The following ATP13A5 variants were observed in gnomAD, a reference collection of about 807,000 sequenced individuals.
ATP13A5 encodes probable cation-transporting ATPase 13A5.
Under a neutral mutation model 150.2 loss-of-function variants are expected in ATP13A5, and 149 were observed. That is an observed-to-expected ratio of 0.99 (90% CI 0.87 to 1.14). The LOEUF (loss-of-function observed/expected upper bound fraction) is 1.14, where lower values mean the gene tolerates loss of function less well. ATP13A5 is among the 50% of genes most tolerant of loss of function. The pLI, the probability that ATP13A5 is intolerant of heterozygous loss-of-function variation, is 0.00. For missense variants in ATP13A5, 1,383 were observed against 1,449.3 expected (o/e 0.95, Z 0.74); for synonymous variants, 497 against 522.2 (o/e 0.95, Z 0.66).
At chr3:193,280,698 T>C (rs1278494574) in intron 27 of ATP13A5, among the ~76,000 whole-genome samples, 2 of 152,216 alleles carry the variant, frequency 1.3e-5, no homozygotes, top group Non-Finnish European at 2.9e-5. Flanking sequence ...AGCAGAGCAC[T>C]TTAGAGACGG....
intron 23 of ATP13A5, among the ~76,000 whole-genome samples, chr3:193,304,310 C>T (rs572320804): frequency 2.0e-5 from 3 of 152,036 alleles, no homozygotes; most frequent in East Asian, 1.9e-4. Flanking sequence ...GGGAAGTGAT[C>T]GTGTTTGAGG....
Position 193,331,328 on chromosome 3 carries a change from A to G in ATP13A5, c.1273-17T>C, listed in dbSNP as rs1362132890. 6.2e-7 allele frequency: 1 copy of G among 1,607,864 alleles called. No individual in the cohort carries two copies. Among genetic ancestry groups the G allele is most frequent in the Non-Finnish European group, 8.5e-7 (1 of 1,177,846 alleles). On this transcript the variant is annotated splice_polypyrimidine_tract_variant and intron_variant, in intron 11 of 29. Coordinates refer to ENST00000342358, the MANE Select transcript of ATP13A5 (RefSeq NM_198505.4). ...TGGAGGAACCTGGGAGAGGACAGAC[A>G]TTTTCATACAGGATAGCCCAGCACA...
chr3:193,355,181 C>T (rs10937584), intron 5 of ATP13A5, among the ~76,000 whole-genome samples: 59,860 of 151,776 alleles, frequency 0.39, 12,299 homozygotes, highest in East Asian at 0.56. Flanking sequence ...ATCCACCCGC[C>T]TCAGCCTCCC....
intron 27 of ATP13A5, among the ~76,000 whole-genome samples, chr3:193,283,217 A>T (rs1717576103): frequency 6.6e-6 from 1 of 152,170 alleles, no homozygotes. Context: ...AAACCGGTTG[A>T]CTAGTTGGAG....
Position 193,354,251 on chromosome 3 carries a change from C to T in ATP13A5, c.537-55G>A, listed in dbSNP as rs929608784. On this transcript the variant is annotated intron_variant, in intron 5 of 29. Transcript: ENST00000342358. ...ATAGCTACAAGCACATGATAAGTGA[C>T]TACAGGCCAAACTAAACAGAAGTCA... The T allele has an allele frequency of 4.0e-6, 6 of 1,486,414 alleles. No homozygotes were observed. In the African/African-American group the frequency reaches 5.6e-5, roughly 14 times the overall value. 92.1% of individuals were successfully genotyped at this position (1,486,414 alleles called of 1,614,324 possible). A position where few individuals can be genotyped will look rare whatever the true frequency, so the allele number is the denominator to read the frequency against.
chr3:193,310,962 A>G (rs1294761038), intron 20 of ATP13A5, among the ~76,000 whole-genome samples: 4 of 152,192 alleles, frequency 2.6e-5, no homozygotes, highest in Non-Finnish European at 4.4e-5. Flanking sequence ...TGGGGTGACC[A>G]CTAATCAATA....
chr3:193,328,567 A>G (rs1711510184), intron 12 of ATP13A5, among the ~76,000 whole-genome samples: 1 of 152,224 alleles, frequency 6.6e-6, no homozygotes, highest in Non-Finnish European at 1.5e-5. Flanking sequence ...AGATTATGTT[A>G]TCTCTCTATG....
chr3:193,307,138 T>C (rs1718646921), intron 22 of ATP13A5, 189 bp downstream of exon 22: 9 of 1,423,158 alleles, frequency 6.3e-6, no homozygotes, highest in East Asian at 2.5e-5. Flanking sequence ...CCAGAAAGCA[T>C]CGGAAGTGTC....
At chr3:193,284,699 CAT>C (rs1037915965) in intron 27 of ATP13A5, among the ~76,000 whole-genome samples, 1 of 152,210 alleles carries the variant, frequency 6.6e-6, no homozygotes, top group Non-Finnish European at 1.5e-5. Flanking sequence ...GGACAAGACT[CAT>C]GTGACAGTTA....
chr3:193,310,821 G>A (rs1429822652), intron 20 of ATP13A5, 104 bp from the exon 21 acceptor site: 2 of 734,228 alleles, frequency 2.7e-6, no homozygotes, highest in Admixed American at 2.8e-5. Flanking sequence ...ATTTAATACA[G>A]CATTGGATGG....
chr3:193,365,950 A>C (rs1054175182), intron 1 of ATP13A5, among the ~76,000 whole-genome samples: 8 of 152,130 alleles, frequency 5.3e-5, no homozygotes, highest in African/African-American at 1.9e-4. Flanking sequence ...AATTGTATCA[A>C]GAATTGTAAA....
At chr3:193,310,787 C>T in intron 20 of ATP13A5, 70 bp from the exon 21 acceptor site, 1 of 1,208,928 alleles carries the variant, frequency 8.3e-7, no homozygotes, top group Middle Eastern at 2.3e-4. Flanking sequence ...AAGAACAGCC[C>T]TGAAAAATCA....
At position 193,374,301 on chromosome 3, in the gene ATP13A5, C is replaced by CACAGAG. The variant is rs1441073312; in HGVS notation, c.63+4361_63+4362insCTCTGT. On this transcript the variant is annotated intron_variant, in intron 1 of 29. Transcript: ENST00000342358. The stretch of plus-strand genomic sequence containing the variant: ...GCACACACACACACACACACACACA[C>CACAGAG]AGAGAGAGAGAGAGGAAAGATTCCA... Among the ~76,000 whole-genome samples, 714 of 144,324 alleles carry CACAGAG rather than the reference C, an allele frequency of 4.9e-3. 8 individuals carry two copies. The highest frequency in any genetic ancestry group is 0.016 in the African/African-American group (606 of 38,958). The allele number at this position is 144,324 out of a possible 152,430, so 94.7% of individuals were successfully genotyped here. A position where few individuals can be genotyped will look rare whatever the true frequency, so the allele number is the denominator to read the frequency against.
chr3:193,364,035 AG>A, intron 2 of ATP13A5, 71 bp downstream of exon 2: 1 of 1,461,592 alleles, frequency 6.8e-7, no homozygotes, highest in Non-Finnish European at 9.4e-7. Context: ...TACCAGCCAC[AG>A]AGTTATGCCA....
At chr3:193,294,967 A>C (rs192742514) in intron 25 of ATP13A5, among the ~76,000 whole-genome samples, 1 of 152,152 alleles carries the variant, frequency 6.6e-6, no homozygotes, top group African/African-American at 2.4e-5. Context: ...ACTGCCCAGC[A>C]TCCTAAGAGA....
chr3:193,352,255 G>A (rs993427579), intron 6 of ATP13A5, among the ~76,000 whole-genome samples: 4 of 152,084 alleles, frequency 2.6e-5, no homozygotes, highest in Non-Finnish European at 1.5e-5. Context: ...GTTCCTTAAT[G>A]TTTCTTATTA....
intron 19 of ATP13A5, among the ~76,000 whole-genome samples, chr3:193,312,236 A>T (rs1718882710): frequency 6.6e-6 from 1 of 152,216 alleles, no homozygotes; most frequent in Non-Finnish European, 1.5e-5. Flanking sequence ...GGTCCCAAAT[A>T]GTTATTACAA....
chr3:193,327,436 T>C (rs1719505705), intron 12 of ATP13A5, among the ~76,000 whole-genome samples: 2 of 151,514 alleles, frequency 1.3e-5, no homozygotes, highest in Admixed American at 6.6e-5. Context: ...GCAGAGCTCA[T>C]TTTTTTTTGT....
chr3:193,339,268 T>C (rs1228772820), intron 9 of ATP13A5, among the ~76,000 whole-genome samples: 1 of 152,176 alleles, frequency 6.6e-6, no homozygotes, highest in African/African-American at 2.4e-5. Context: ...ATTTCTTGCC[T>C]TCTGCTAGCT....
Sources: allele counts gnomAD v4.1 joint callset (sites outside exome capture counted in the v4.1 genomes callset), GRCh38; gene constraint gnomAD v4.1.1; transcripts MANE v1.5; gene names NCBI Gene and HGNC (gene_info 2026-07-23, HGNC 2026-07-21).